Variants in SCN2A observed in about 807,000 individuals in gnomAD.
SCN2A encodes the protein sodium voltage-gated channel alpha subunit 2.
SCN2A carries 20 observed loss-of-function variants against 188.7 expected under a neutral mutation model. The ratio of observed to expected loss-of-function variants is 0.11; its 90% CI spans 0.07 to 0.15. The LOEUF (loss-of-function observed/expected upper bound fraction) is 0.15. Among genes scored for constraint, SCN2A ranks in the 10% least tolerant of loss-of-function variants. The pLI, the probability that SCN2A is intolerant of heterozygous loss-of-function variation, is 1.00. For synonymous variants in SCN2A, 804 were observed against 833.1 expected (o/e 0.97, Z 0.60); for missense variants, 1,278 against 2,445.0 (o/e 0.52, Z 10.07).
intron 17 of SCN2A, among the ~76,000 whole-genome samples, chr2:165,359,721 G>A (rs561125001): frequency 3.6e-4 from 55 of 152,078 alleles, no homozygotes; most frequent in African/African-American, 1.1e-3. Flanking sequence ...TAGTCCTCAT[G>A]GGAAAGTTTT....
intron 13 of SCN2A, chr2:165,328,438 C>G: frequency 1.0e-6 from 1 of 980,234 alleles, no homozygotes; most frequent in Non-Finnish European, 1.2e-6. Flanking sequence ...CCTTCCGCTC[C>G]TTGCCATAGC....
rs543055798 is a variant in SCN2A at position 165,335,355 on chromosome 2, T to G, written c.2388+3787T>G. On this transcript the variant is annotated intron_variant, in intron 14 of 26. Coordinates refer to ENST00000375437, the MANE Select transcript of SCN2A (RefSeq NM_001040142.2). ...ACTCAAACTTCCAAATTTTAAAACT[T>G]ACTACAAAGCAAAAGTAAGCAAGAT... is the stretch of plus-strand genomic sequence containing the variant. Among the ~76,000 whole-genome samples, 31 of 151,816 alleles carry G rather than the reference T, an allele frequency of 2.0e-4. 2 individuals are homozygous for G. The highest frequency in any genetic ancestry group is 7.0e-4 in the African/African-American group (29 of 41,520).
At chr2:165,330,779 G>A (rs1026666447) in intron 13 of SCN2A, among the ~76,000 whole-genome samples, 1 of 152,094 alleles carries the variant, frequency 6.6e-6, no homozygotes, top group African/African-American at 2.4e-5. Flanking sequence ...GAGAAATGTA[G>A]AGAGATGGAA....
At chr2:165,279,365 G>A (rs1332872101) in intron 1 of SCN2A, among the ~76,000 whole-genome samples, 1 of 152,162 alleles carries the variant, frequency 6.6e-6, no homozygotes, top group East Asian at 1.9e-4. Context: ...AGGTACAAAG[G>A]GGAGGAAGTG....
intron 17 of SCN2A, among the ~76,000 whole-genome samples, chr2:165,358,401 G>A (rs16850493): frequency 0.42 from 64,477 of 151,952 alleles, 13,908 homozygotes; most frequent in East Asian, 0.53. Context: ...AGGAATGTCT[G>A]TGTTTCAGTT....
intron 3 of SCN2A, among the ~76,000 whole-genome samples, chr2:165,303,276 T>G (rs1406668635): frequency 7.8e-5 from 7 of 89,522 alleles, no homozygotes; most frequent in Non-Finnish European, 1.3e-4. Context: ...TTGAGTTTTT[T>G]TTTTTTTTTT....
At chr2:165,350,594 T>A (rs926217898) in intron 16 of SCN2A, among the ~76,000 whole-genome samples, 1 of 146,244 alleles carries the variant, frequency 6.8e-6, no homozygotes, top group Non-Finnish European at 1.5e-5. Context: ...TGCCTCAGCC[T>A]CCCAAGTAGC....
intron 17 of SCN2A, among the ~76,000 whole-genome samples, chr2:165,362,111 G>A (rs889444598): frequency 6.6e-6 from 1 of 151,946 alleles, no homozygotes; most frequent in African/African-American, 2.4e-5. Context: ...TGGTGCTAGA[G>A]ATACAAGGGT....
chr2:165,371,017 T>C (rs939494679), intron 20 of SCN2A: 2 of 152,206 alleles, frequency 1.3e-5, no homozygotes, highest in African/African-American at 4.8e-5. Flanking sequence ...TTACAAACAA[T>C]AGAAAATGCA....
chr2:165,317,709 T>C (rs1351372675), intron 11 of SCN2A, among the ~76,000 whole-genome samples: 1 of 152,172 alleles, frequency 6.6e-6, no homozygotes, highest in African/African-American at 2.4e-5. Flanking sequence ...TTCATACCTC[T>C]ACATACCTCC....
intron 1 of SCN2A, chr2:165,273,717 A>G (rs1695201695): frequency 6.6e-6 from 1 of 152,196 alleles, no homozygotes; most frequent in African/African-American, 2.4e-5. Flanking sequence ...GATAATTTCC[A>G]AATGATGATG....
chr2:165,242,021 C>T (rs1693644791), intron 1 of SCN2A, among the ~76,000 whole-genome samples: 1 of 151,972 alleles, frequency 6.6e-6, no homozygotes, highest in African/African-American at 2.4e-5. Flanking sequence ...CTTTTGTTGT[C>T]GGTGTTGTTG....
Position 165,390,783 on chromosome 2 carries a change from C to G in SCN2A, c.*959C>G, listed in dbSNP as rs554691841. On this transcript the variant is annotated 3_prime_UTR_variant, in exon 27 of 27. Transcript: ENST00000375437. Reference sequence around the variant, plus strand: ...TATCCTATCAGTCCTTTCTAAGAAGCCTGAATTGACCAAAAAACATCCCCA... The same window carrying G: ...TATCCTATCAGTCCTTTCTAAGAAGGCTGAATTGACCAAAAAACATCCCCA... 26 of 152,558 alleles carry G rather than the reference C, an allele frequency of 1.7e-4. No homozygotes were observed. The highest frequency in any genetic ancestry group is 1.0e-3 in the Admixed American group (16 of 15,246). The allele number at this position is 152,558 out of a possible 1,614,324, so 9.5% of individuals were successfully genotyped here. A position where few individuals can be genotyped will look rare whatever the true frequency, so the allele number is the denominator to read the frequency against.
chr2:165,354,865 G>A (rs1700102569), intron 17 of SCN2A, among the ~76,000 whole-genome samples, 194 bp downstream of exon 17: 1 of 152,122 alleles, frequency 6.6e-6, no homozygotes, highest in Admixed American at 6.5e-5. Context: ...TTAACAATAT[G>A]CTGACTTATG....
intron 16 of SCN2A, among the ~76,000 whole-genome samples, chr2:165,353,397 T>C (rs1700028557): frequency 1.3e-5 from 2 of 152,164 alleles, no homozygotes; most frequent in Non-Finnish European, 2.9e-5. Context: ...TTTAAATATA[T>C]TGGGATAATT....
chr2:165,352,357 T>C (rs1405650613), intron 16 of SCN2A, among the ~76,000 whole-genome samples: 1 of 152,134 alleles, frequency 6.6e-6, no homozygotes, highest in African/African-American at 2.4e-5. Context: ...TGGTCTTCAT[T>C]GGATCTTACA....
chr2:165,282,546 C>A (rs1356575526), intron 1 of SCN2A, among the ~76,000 whole-genome samples: 1 of 152,194 alleles, frequency 6.6e-6, no homozygotes. Flanking sequence ...GTTGCATAAT[C>A]TTTTAATGGC....
At chr2:165,368,443 G>C (rs6742483) in intron 19 of SCN2A, among the ~76,000 whole-genome samples, 3 of 151,988 alleles carry the variant, frequency 2.0e-5, no homozygotes, top group African/African-American at 4.8e-5. Context: ...CTTGAGGGTG[G>C]AGCCCTCGCC....
intron 1 of SCN2A, among the ~76,000 whole-genome samples, chr2:165,250,057 C>G (rs1217447897): frequency 6.6e-6 from 1 of 152,008 alleles, no homozygotes; most frequent in African/African-American, 2.4e-5. Context: ...CTACTCTGCA[C>G]CTATCTCTAC....
Sources: gnomAD v4.1 joint callset for allele counts (sites outside exome capture counted in the v4.1 genomes callset) on GRCh38, gnomAD v4.1.1 for gene constraint, MANE v1.5 for transcripts, NCBI Gene and HGNC (gene_info 2026-07-23, HGNC 2026-07-21) for gene names.